FSTL5: variants seen among roughly 807,000 people sequenced by gnomAD.
The protein encoded by FSTL5 is follistatin-related protein 5.
In FSTL5, 62 loss-of-function variants were observed where a neutral mutation model predicts 89.1. The ratio of observed to expected loss-of-function variants is 0.70; its 90% CI spans 0.57 to 0.86. The LOEUF is 0.86. Ranked by LOEUF, FSTL5 falls within the 40% of genes least tolerant of loss-of-function variation. The pLI is 0.00. For synonymous variants in FSTL5, 383 were observed against 346.2 expected, an observed-to-expected ratio of 1.11 and a Z score of -1.18; for missense variants, 1,057 against 1,001.6, an observed-to-expected ratio of 1.06 and a Z score of -0.75.
chr4:161,735,158 A>T (rs964804662), intron 6 of FSTL5, among the ~76,000 whole-genome samples: 3 of 152,188 alleles, frequency 2.0e-5, no homozygotes, highest in Non-Finnish European at 4.4e-5. Flanking sequence ...AACTGCTCAC[A>T]TAACTCAGGG....
intron 3 of FSTL5, among the ~76,000 whole-genome samples, chr4:161,991,731 C>T (rs75279060): frequency 0.01 from 1,566 of 152,156 alleles, 29 homozygotes; most frequent in African/African-American, 0.036. Context: ...ATGCAGGTGT[C>T]CCGGAGCCAA....
chr4:161,734,959 A>G (rs1429169471), intron 6 of FSTL5, among the ~76,000 whole-genome samples: 1 of 152,066 alleles, frequency 6.6e-6, no homozygotes, highest in Non-Finnish European at 1.5e-5. Context: ...CTCCAACTCA[A>G]TTCATTTCCA....
chr4:161,538,182 G>T lies in FSTL5; in HGVS notation c.1296C>A (p.Asp432Glu). 6.2e-7 allele frequency: 1 copy of T among 1,613,940 alleles called. No homozygotes were observed. Among genetic ancestry groups the T allele is most frequent in the Non-Finnish European group, 8.5e-7 (1 of 1,179,912 alleles). ...DEDISSLFVE[D>E]SARKTLANIL... ...TATACATACGGGTCTTTCTAGCAGA[G>T]TCTTCCACAAAAAGAGAAGAGATGT... Residue 432 changes from aspartate to glutamate, a missense_variant, in exon 10 of 16, where the codon GAC becomes GAA. Transcript: ENST00000306100.
chr4:161,766,601 A>G (rs188616762), intron 5 of FSTL5, among the ~76,000 whole-genome samples: 23 of 152,274 alleles, frequency 1.5e-4, no homozygotes, highest in Non-Finnish European at 2.6e-4. Flanking sequence ...ATCCTGCTCA[A>G]TCAGAAAACT....
intron 1 of FSTL5, among the ~76,000 whole-genome samples, chr4:162,152,471 G>C (rs1733264862): frequency 6.6e-6 from 1 of 152,104 alleles, no homozygotes; most frequent in South Asian, 2.1e-4. Flanking sequence ...TAAAGGTATA[G>C]ATGTATTTTT....
intron 15 of FSTL5, among the ~76,000 whole-genome samples, chr4:161,403,585 A>C (rs1259621333): frequency 6.6e-6 from 1 of 152,184 alleles, no homozygotes; most frequent in Non-Finnish European, 1.5e-5. Context: ...AAAATAATTC[A>C]GGTTTTATAA....
intron 4 of FSTL5, among the ~76,000 whole-genome samples, chr4:161,801,715 C>A (rs1226694481): frequency 6.6e-6 from 1 of 150,600 alleles, no homozygotes; most frequent in South Asian, 2.1e-4. Context: ...TCTTATCTAG[C>A]TAATACACAT....
intron 2 of FSTL5, among the ~76,000 whole-genome samples, chr4:162,084,751 C>A (rs183429508): frequency 1.3e-5 from 2 of 151,894 alleles, no homozygotes; most frequent in Non-Finnish European, 2.9e-5. Flanking sequence ...GGGAGGGGAA[C>A]ATCACACACC....
chr4:161,669,867 A>G (rs1737035650), intron 6 of FSTL5, among the ~76,000 whole-genome samples: 1 of 152,140 alleles, frequency 6.6e-6, no homozygotes, highest in Admixed American at 6.5e-5. Flanking sequence ...TGGTTATATT[A>G]TTACATAGAA....
chr4:162,091,946 A>G (rs1730565672), intron 2 of FSTL5, among the ~76,000 whole-genome samples: 2 of 134,452 alleles, frequency 1.5e-5, no homozygotes, highest in Admixed American at 8.1e-5. Context: ...CAATATATGT[A>G]TATCTATATG....
At chr4:161,639,243 T>C (rs1478109067) in intron 7 of FSTL5, among the ~76,000 whole-genome samples, 2 of 152,130 alleles carry the variant, frequency 1.3e-5, no homozygotes, top group Non-Finnish European at 2.9e-5. Context: ...GTTAAAAATG[T>C]GAGGCAGAAA....
chr4:161,505,839 A>G (rs1391148645), intron 11 of FSTL5, among the ~76,000 whole-genome samples: 1 of 152,116 alleles, frequency 6.6e-6, no homozygotes, highest in Admixed American at 6.6e-5. Context: ...TGATTTAAAA[A>G]GCTTAGACTG....
At chr4:162,069,604 A>G (rs1316171935) in intron 2 of FSTL5, among the ~76,000 whole-genome samples, 1 of 151,928 alleles carries the variant, frequency 6.6e-6, no homozygotes, top group Non-Finnish European at 1.5e-5. Flanking sequence ...CCATGAGCCC[A>G]ACATTTTAAG....
intron 4 of FSTL5, among the ~76,000 whole-genome samples, chr4:161,818,794 A>C (rs2126847708): frequency 6.6e-6 from 1 of 152,326 alleles, no homozygotes; most frequent in South Asian, 2.1e-4. Context: ...TCTTCTCAGT[A>C]ATTATAACAA....
intron 4 of FSTL5, among the ~76,000 whole-genome samples, chr4:161,794,183 C>A (rs998508820): frequency 7.2e-5 from 11 of 152,142 alleles, no homozygotes; most frequent in African/African-American, 2.7e-4. Flanking sequence ...GCATTCCCAG[C>A]AATGCTGATT....
chr4:161,718,192 G>T (rs1739061472), intron 6 of FSTL5, among the ~76,000 whole-genome samples: 1 of 152,054 alleles, frequency 6.6e-6, no homozygotes, highest in South Asian at 2.1e-4. Flanking sequence ...TAACTGAAAA[G>T]AGAAATTGGA....
intron 3 of FSTL5, among the ~76,000 whole-genome samples, chr4:161,928,579 T>C (rs1560921618): frequency 6.6e-6 from 1 of 151,800 alleles, no homozygotes; most frequent in Non-Finnish European, 1.5e-5. Flanking sequence ...TCATCAGTAG[T>C]TAGTGTCTGC....
intron 4 of FSTL5, among the ~76,000 whole-genome samples, chr4:161,852,717 G>A (rs912380549): frequency 2.0e-5 from 3 of 152,064 alleles, no homozygotes; most frequent in East Asian, 3.9e-4. Context: ...AACCTGAATG[G>A]CCATCAATGA....
chr4:161,828,277 C>G (rs1306608555), intron 4 of FSTL5, among the ~76,000 whole-genome samples: 1 of 152,188 alleles, frequency 6.6e-6, no homozygotes, highest in Non-Finnish European at 1.5e-5. Context: ...CCCTCTTTCA[C>G]TTTCACTCTT....
Sources: gnomAD v4.1 joint callset for allele counts (sites outside exome capture counted in the v4.1 genomes callset) on GRCh38, gnomAD v4.1.1 for gene constraint, MANE v1.5 for transcripts, NCBI Gene and HGNC (gene_info 2026-07-23, HGNC 2026-07-21) for gene names.